ASIC2: variants seen among roughly 807,000 people sequenced by gnomAD.
ASIC2 encodes the protein acid-sensing ion channel 2.
Under a neutral mutation model 57.3 loss-of-function variants are expected in ASIC2, and 25 were observed. That is an observed-to-expected ratio of 0.44 (90% CI 0.32 to 0.61). The LOEUF (loss-of-function observed/expected upper bound fraction) is 0.61, where lower values mean the gene tolerates loss of function less well. Among genes scored for constraint, ASIC2 ranks in the 20% least tolerant of loss-of-function variants. The pLI is 0.06. For missense variants in ASIC2, 641 were observed against 738.1 expected (o/e 0.87, Z 1.52); for synonymous variants, 319 against 307.5 (o/e 1.04, Z -0.39).
upstream of ASIC2, among the ~76,000 whole-genome samples, chr17:33,294,508 A>G (rs1425289309): frequency 2.0e-5 from 3 of 151,988 alleles, no homozygotes; most frequent in Non-Finnish European, 2.9e-5. Flanking sequence ...TTACAGCGTG[A>G]TGACTCCCTG....
At chr17:33,426,640 A>G (rs1567857499) in intron 1 of ASIC2, among the ~76,000 whole-genome samples, 1 of 152,200 alleles carries the variant, frequency 6.6e-6, no homozygotes, top group Non-Finnish European at 1.5e-5. Context: ...AGCCTTGAGC[A>G]CATCTCTAAA....
intron 1 of ASIC2, among the ~76,000 whole-genome samples, chr17:33,861,958 C>T (rs1914112356): frequency 6.6e-6 from 1 of 152,228 alleles, no homozygotes; most frequent in South Asian, 2.1e-4. Flanking sequence ...ACCAGCATGC[C>T]TCCACCTTTC....
intron 1 of ASIC2, among the ~76,000 whole-genome samples, chr17:33,812,132 G>T (rs1019314808): frequency 2.6e-5 from 4 of 151,930 alleles, no homozygotes; most frequent in Admixed American, 6.6e-5. Context: ...TTAACAGATG[G>T]GTTTTCTCCA....
intron 1 of ASIC2, among the ~76,000 whole-genome samples, chr17:33,479,879 G>T (rs1449660614): frequency 6.6e-6 from 1 of 152,112 alleles, no homozygotes; most frequent in Non-Finnish European, 1.5e-5. Context: ...CCGGAACCCT[G>T]GTTCATGGTA....
chr17:34,054,403 T>G (rs1908685253), intron 1 of ASIC2, among the ~76,000 whole-genome samples: 1 of 152,238 alleles, frequency 6.6e-6, no homozygotes, highest in South Asian at 2.1e-4. Context: ...CTTGAATTTC[T>G]ACTTCCTGGC....
chr17:33,807,532 A>G (rs1912302209), intron 1 of ASIC2, among the ~76,000 whole-genome samples: 1 of 152,112 alleles, frequency 6.6e-6, no homozygotes, highest in Non-Finnish European at 1.5e-5. Flanking sequence ...CAGAGGGAGT[A>G]ATTCAGGGTT....
At chr17:33,177,466 G>A (rs1331763953) in intron 1 of ASIC2, among the ~76,000 whole-genome samples, 2 of 152,168 alleles carry the variant, frequency 1.3e-5, no homozygotes, top group Admixed American at 6.5e-5. Context: ...CAGATAAAGG[G>A]GACACCAAAC....
At chr17:33,096,069 TG>T (rs1218963895) in intron 2 of ASIC2, among the ~76,000 whole-genome samples, 1 of 152,192 alleles carries the variant, frequency 6.6e-6, no homozygotes, top group Non-Finnish European at 1.5e-5. Flanking sequence ...TGTGCCTGTG[TG>T]GGTGTGCATG....
chr17:34,039,282 G>A, intron 1 of ASIC2: 9 of 1,613,908 alleles, frequency 5.6e-6, no homozygotes, highest in South Asian at 1.1e-5. Flanking sequence ...TCTGTTTTTG[G>A]GAGCTGCAGG....
intron 1 of ASIC2, chr17:33,533,555 A>C (rs535089782): frequency 5.9e-5 from 9 of 152,168 alleles, no homozygotes; most frequent in Admixed American, 1.3e-4. Flanking sequence ...TTCAAATAAA[A>C]GGCCTTGTCT....
At chr17:33,532,332 A>G (rs151322236) in intron 1 of ASIC2, among the ~76,000 whole-genome samples, 6 of 152,338 alleles carry the variant, frequency 3.9e-5, no homozygotes, top group Non-Finnish European at 5.9e-5. Context: ...AGAATTTACA[A>G]TCTTGTGCTA....
intron 1 of ASIC2, among the ~76,000 whole-genome samples, chr17:33,865,904 C>T (rs1042726536): frequency 3.3e-5 from 5 of 151,604 alleles, no homozygotes; most frequent in African/African-American, 7.3e-5. Flanking sequence ...TCTATTACTT[C>T]TTCCTAATCA....
chr17:33,853,251 G>C (rs2141917385), intron 1 of ASIC2, among the ~76,000 whole-genome samples: 1 of 152,296 alleles, frequency 6.6e-6, no homozygotes, highest in South Asian at 2.1e-4. Flanking sequence ...GGTGGGGATG[G>C]TAGTAGAGGA....
intron 1 of ASIC2, among the ~76,000 whole-genome samples, chr17:33,119,763 T>G (rs910621054): frequency 6.6e-6 from 1 of 152,216 alleles, no homozygotes; most frequent in Non-Finnish European, 1.5e-5. Flanking sequence ...CATGTAAGCA[T>G]CTCCATGTGG....
chr17:33,232,949 C>T (rs1316759985), intron 1 of ASIC2, among the ~76,000 whole-genome samples: 1 of 151,988 alleles, frequency 6.6e-6, no homozygotes, highest in Non-Finnish European at 1.5e-5. Context: ...CAAGAGATGC[C>T]CACCCCTCAG....
chr17:33,490,199 G>C (rs1471248171), intron 1 of ASIC2, among the ~76,000 whole-genome samples: 3 of 152,218 alleles, frequency 2.0e-5, no homozygotes, highest in Non-Finnish European at 4.4e-5. Context: ...TATAGAGACT[G>C]TATGGCCTGC....
chr17:33,774,756 G>A (rs906838542), intron 1 of ASIC2, among the ~76,000 whole-genome samples: 1 of 152,166 alleles, frequency 6.6e-6, no homozygotes, highest in Non-Finnish European at 1.5e-5. Flanking sequence ...TAAAGAAATG[G>A]AGTCTGAATA....
At chr17:34,112,009 C>T (rs1911292624) in intron 1 of ASIC2, among the ~76,000 whole-genome samples, 1 of 151,934 alleles carries the variant, frequency 6.6e-6, no homozygotes, top group African/African-American at 2.4e-5. Context: ...GGAAAAAATT[C>T]TCATGGGAAC....
At chr17:33,919,816 A>G (rs1431470360) in intron 1 of ASIC2, among the ~76,000 whole-genome samples, 1 of 152,222 alleles carries the variant, frequency 6.6e-6, no homozygotes, top group East Asian at 1.9e-4. Flanking sequence ...AACTTAAATA[A>G]TTCAACAAGA....
Sources: allele counts gnomAD v4.1 joint callset (sites outside exome capture counted in the v4.1 genomes callset), GRCh38; gene constraint gnomAD v4.1.1; transcripts MANE v1.5; gene names NCBI Gene and HGNC (gene_info 2026-07-23, HGNC 2026-07-21).